SLC9C1: variants seen among roughly 807,000 people sequenced by gnomAD.
The protein encoded by SLC9C1 is solute carrier family 9 member C1.
In SLC9C1, 97 loss-of-function variants were observed where a neutral mutation model predicts 140.9. The ratio of observed to expected loss-of-function variants is 0.69; its 90% confidence interval spans 0.58 to 0.82. SLC9C1 has a LOEUF of 0.82. SLC9C1 is among the 40% of genes least tolerant of loss of function. SLC9C1 has a pLI of 0.00. For missense variants in SLC9C1, 1,340 were observed against 1,389.3 expected (o/e 0.96, Z 0.56); for synonymous variants, 440 against 442.6 (o/e 0.99, Z 0.07).
chr3:112,228,758 A>T (rs1437832047), intron 13 of SLC9C1, among the ~76,000 whole-genome samples: 1 of 152,138 alleles, frequency 6.6e-6, no homozygotes, highest in Non-Finnish European at 1.5e-5. Context: ...TCAAAGACAC[A>T]AACGGTCAAC....
chr3:112,288,844 T>C (rs534107104), intron 1 of SLC9C1, among the ~76,000 whole-genome samples: 7 of 152,198 alleles, frequency 4.6e-5, no homozygotes, highest in African/African-American at 1.7e-4. Context: ...AGACTCAGGG[T>C]AGCTTACTTT....
chr3:112,206,827 A>G (rs936789461), intron 16 of SLC9C1, among the ~76,000 whole-genome samples: 11 of 139,556 alleles, frequency 7.9e-5, no homozygotes, highest in African/African-American at 2.9e-4. Context: ...GGAACATCAC[A>G]CACCGGATCC....
chr3:112,232,973 C>T (rs2108178189), intron 12 of SLC9C1, among the ~76,000 whole-genome samples: 1 of 150,978 alleles, frequency 6.6e-6, no homozygotes, highest in East Asian at 1.9e-4. Context: ...ACAAAGACCC[C>T]TGACCCCTCC....
rs748748870 is a variant in SLC9C1 at position 112,141,214 on chromosome 3, C to T, written c.*58G>A. The T allele has an allele frequency of 6.0e-5, 89 of 1,494,250 alleles. No individual in the cohort carries two copies. Among genetic ancestry groups the T allele is most frequent in the Non-Finnish European group, 7.8e-5 (87 of 1,118,376 alleles). The allele number at this position is 1,494,250 out of a possible 1,614,324, so 92.6% of individuals were successfully genotyped here. A position where few individuals can be genotyped will look rare whatever the true frequency, so the allele number is the denominator to read the frequency against. ...CTTGATGTAGGGAAGTGTGTTTCTG[C>T]AGCAGGAGGCCTCTCATAGCCACAG... On this transcript the variant is annotated 3_prime_UTR_variant, in exon 29 of 29. Transcript: ENST00000305815.
chr3:112,194,286 G>A (rs1448125306), intron 20 of SLC9C1, among the ~76,000 whole-genome samples: 1 of 152,156 alleles, frequency 6.6e-6, no homozygotes, highest in Non-Finnish European at 1.5e-5. Context: ...CCTGAAATGG[G>A]AAGTTATTTC....
chr3:112,176,788 G>T (rs1474884121), intron 23 of SLC9C1, among the ~76,000 whole-genome samples: 1 of 152,076 alleles, frequency 6.6e-6, no homozygotes. Context: ...AGTGTAACTT[G>T]TCTCCAAACT....
chr3:112,245,933 T>G (rs2079270915), intron 10 of SLC9C1, among the ~76,000 whole-genome samples: 1 of 152,188 alleles, frequency 6.6e-6, no homozygotes, highest in Non-Finnish European at 1.5e-5. Context: ...CTCAGAGGTA[T>G]CCATCTCTTG....
chr3:112,280,889 A>ACTTCTTTTCT, intron 2 of SLC9C1, 106 bp from the exon 3 acceptor site: 1 of 955,342 alleles, frequency 1.0e-6, no homozygotes, highest in Non-Finnish European at 1.6e-6. Flanking sequence ...CAGTTTCACT[A>ACTTCTTTTCT]CTTTTCATGA....
At chr3:112,202,048 C>T (rs1483634600) in intron 18 of SLC9C1, among the ~76,000 whole-genome samples, 1 of 151,874 alleles carries the variant, frequency 6.6e-6, no homozygotes, top group Admixed American at 6.6e-5. Flanking sequence ...CTTATAGGAG[C>T]CTTGTAACTT....
At chr3:112,283,608 C>G (rs950714413) in intron 2 of SLC9C1, among the ~76,000 whole-genome samples, 1 of 151,956 alleles carries the variant, frequency 6.6e-6, no homozygotes, top group Non-Finnish European at 1.5e-5. Flanking sequence ...CAGGATTAGG[C>G]TTTGACAGTA....
intron 11 of SLC9C1, among the ~76,000 whole-genome samples, chr3:112,241,319 C>A (rs1486732981): frequency 6.7e-6 from 1 of 148,232 alleles, no homozygotes; most frequent in African/African-American, 2.5e-5. Context: ...TATGTACCAA[C>A]AAACATTTTA....
chr3:112,155,155 C>T (rs930750860), intron 26 of SLC9C1, 106 bp from the exon 27 acceptor site: 5 of 856,444 alleles, frequency 5.8e-6, no homozygotes, highest in Non-Finnish European at 8.6e-6. Context: ...CACTCAGGAC[C>T]TGTGATCTGA....
intron 10 of SLC9C1, among the ~76,000 whole-genome samples, chr3:112,253,312 C>T (rs898513739): frequency 6.6e-6 from 1 of 152,086 alleles, no homozygotes; most frequent in African/African-American, 2.4e-5. Context: ...TGGTAGGCAG[C>T]CTTGGAGTGC....
chr3:112,196,124 T>C (rs2077762619), intron 20 of SLC9C1, among the ~76,000 whole-genome samples: 1 of 152,006 alleles, frequency 6.6e-6, no homozygotes, highest in Admixed American at 6.6e-5. Context: ...TCTGGAAATG[T>C]CTCAATTTTT....
At chr3:112,235,872 A>C (rs181661400) in intron 12 of SLC9C1, among the ~76,000 whole-genome samples, 34 of 152,308 alleles carry the variant, frequency 2.2e-4, no homozygotes, top group Middle Eastern at 3.4e-3. Context: ...TTGGTTTGCC[A>C]GTATTTTATT....
chr3:112,289,315 C>T (rs758110079), intron 1 of SLC9C1, among the ~76,000 whole-genome samples: 51 of 152,112 alleles, frequency 3.4e-4, no homozygotes, highest in African/African-American at 1.2e-3. Context: ...AGAGGATCTG[C>T]GCTTTGTCTG....
intron 28 of SLC9C1, among the ~76,000 whole-genome samples, chr3:112,149,952 G>A (rs1185417179): frequency 6.6e-6 from 1 of 152,164 alleles, no homozygotes; most frequent in Admixed American, 6.5e-5. Flanking sequence ...AGCAGGGTAA[G>A]GCACTCAGCA....
chr3:112,238,431 T>A (rs2079050608), intron 12 of SLC9C1, among the ~76,000 whole-genome samples: 1 of 152,216 alleles, frequency 6.6e-6, no homozygotes, highest in African/African-American at 2.4e-5. Context: ...AGATGTTTGA[T>A]CATCTGAAGC....
intron 26 of SLC9C1, among the ~76,000 whole-genome samples, chr3:112,164,080 G>C (rs1287120900): frequency 3.9e-5 from 6 of 151,918 alleles, no homozygotes; most frequent in Non-Finnish European, 7.4e-5. Context: ...TTTTATCAGA[G>C]ACTAGGATTG....
Sources: allele counts gnomAD v4.1 joint callset (sites outside exome capture counted in the v4.1 genomes callset), GRCh38; gene constraint gnomAD v4.1.1; transcripts MANE v1.5; gene names NCBI Gene and HGNC (gene_info 2026-07-23, HGNC 2026-07-21).